APOO: variants seen among roughly 807,000 people sequenced by gnomAD.
The protein encoded by APOO is apolipoprotein O.
Under a neutral mutation model 23.1 loss-of-function variants are expected in APOO, and 11 were observed. The observed-to-expected ratio is 0.48, with a 90% CI of 0.30 to 0.79. The LOEUF is 0.79. APOO is among the 30% of genes least tolerant of loss of function. APOO has a pLI of 0.07. For synonymous variants in APOO, 59 were observed against 54.8 expected (o/e 1.08, Z -0.34); for missense variants, 160 against 142.7 (o/e 1.12, Z -0.62).
At chrX:23,844,025 T>G (rs1025147142) in intron 7 of APOO, among the ~76,000 whole-genome samples, 1 of 112,065 alleles carries the variant, frequency 8.9e-6, no homozygotes, top group Non-Finnish European at 1.9e-5. Flanking sequence ...AATGTCTGAC[T>G]CCCTCACCAG....
At chrX:23,839,668 T>C (rs2146963851) in intron 8 of APOO, among the ~76,000 whole-genome samples, 1 of 112,102 alleles carries the variant, frequency 8.9e-6, no homozygotes, top group Admixed American at 9.6e-5. Flanking sequence ...ATACACACTT[T>C]CTGTCGTATC....
chrX:23,847,144 C>T (rs1305813092), intron 7 of APOO, among the ~76,000 whole-genome samples: 2 of 111,222 alleles, frequency 1.8e-5, no homozygotes, highest in Admixed American at 1.9e-4. Flanking sequence ...AACATCTTCA[C>T]ATGCTAGATA....
intron 1 of APOO, among the ~76,000 whole-genome samples, chrX:23,891,786 C>T (rs1166498155): frequency 9.1e-6 from 1 of 109,835 alleles, no homozygotes; most frequent in African/African-American, 3.3e-5. Context: ...TATACACTTA[C>T]AGTATCTTAC....
chrX:23,887,929 G>A (rs1467738490), intron 1 of APOO, among the ~76,000 whole-genome samples: 8 of 111,723 alleles, frequency 7.2e-5, no homozygotes, highest in African/African-American at 2.6e-4. Context: ...TAATGTGTTG[G>A]CTTCTCTGAG....
intron 3 of APOO, among the ~76,000 whole-genome samples, chrX:23,875,826 G>A (rs1487172427): frequency 1.8e-5 from 2 of 111,178 alleles, no homozygotes; most frequent in African/African-American, 6.5e-5. Flanking sequence ...AAGATCTAAA[G>A]AACTGAGTAT....
intron 1 of APOO, among the ~76,000 whole-genome samples, chrX:23,891,082 C>T (rs1218734439): frequency 9.0e-6 from 1 of 110,988 alleles, no homozygotes; most frequent in Non-Finnish European, 1.9e-5. Flanking sequence ...TACCCTATCC[C>T]CATTCTAGAG....
chrX:23,856,437 G>A, intron 6 of APOO, 55 bp from the exon 7 acceptor site: 1 of 935,800 alleles, frequency 1.1e-6, no homozygotes, highest in Non-Finnish European at 1.5e-6. Context: ...CCTATTATTG[G>A]GAATAATAAT....
chrX:23,840,751 A>C (rs1010995192), intron 7 of APOO: 5 of 122,681 alleles, frequency 4.1e-5, no homozygotes, highest in Non-Finnish European at 8.2e-5. Flanking sequence ...TAAAAAATCA[A>C]TATATCTTCC....
intron 1 of APOO, among the ~76,000 whole-genome samples, chrX:23,901,644 G>A (rs946906895): frequency 3.6e-5 from 4 of 111,751 alleles, no homozygotes; most frequent in African/African-American, 6.5e-5. Context: ...CCCCAAGACC[G>A]TGCACCACCG....
intron 8 of APOO, among the ~76,000 whole-genome samples, chrX:23,836,435 C>T (rs1485598595): frequency 8.9e-6 from 1 of 111,909 alleles, no homozygotes; most frequent in African/African-American, 3.2e-5. Context: ...CTGCCTCGGC[C>T]TCCCGAGTAG....
intron 5 of APOO, among the ~76,000 whole-genome samples, chrX:23,864,722 T>C (rs1453182948): frequency 1.8e-5 from 2 of 112,202 alleles, no homozygotes; most frequent in African/African-American, 6.5e-5. Context: ...AATACAAATG[T>C]TATCAACCTA....
chrX:23,891,545 T>C (rs1031013975), intron 1 of APOO, among the ~76,000 whole-genome samples: 16 of 111,387 alleles, frequency 1.4e-4, no homozygotes, highest in African/African-American at 5.2e-4. Context: ...AGTCTTTAAC[T>C]CCCACTCATA....
intron 8 of APOO, among the ~76,000 whole-genome samples, chrX:23,837,843 A>G (rs957075499): frequency 1.2e-4 from 13 of 105,368 alleles, no homozygotes; most frequent in Non-Finnish European, 1.9e-5. Flanking sequence ...AATTTTTTGT[A>G]GAGACAGGGT....
At chrX:23,848,033 C>T (rs1172932686) in intron 7 of APOO, among the ~76,000 whole-genome samples, 1 of 108,165 alleles carries the variant, frequency 9.2e-6, no homozygotes, top group Non-Finnish European at 1.9e-5. Context: ...TGTGCCACCA[C>T]GCCCAATTTT....
intron 5 of APOO, among the ~76,000 whole-genome samples, chrX:23,859,416 T>C (rs1272947345): frequency 9.3e-6 from 1 of 107,839 alleles, no homozygotes; most frequent in Non-Finnish European, 1.9e-5. Context: ...CTACTTTCTA[T>C]CTCTATGTGT....
At chrX:23,853,156 G>A (rs1035325760) in intron 7 of APOO, among the ~76,000 whole-genome samples, 3 of 111,193 alleles carry the variant, frequency 2.7e-5, no homozygotes, top group Non-Finnish European at 5.7e-5. Flanking sequence ...TACTCAGGAG[G>A]TTGAGACAGG....
At chrX:23,842,208 C>T (rs1182506003) in intron 7 of APOO, among the ~76,000 whole-genome samples, 3 of 110,767 alleles carry the variant, frequency 2.7e-5, no homozygotes, top group African/African-American at 9.9e-5. Context: ...GGGCAACATG[C>T]TGAAATCCTG....
intron 1 of APOO, among the ~76,000 whole-genome samples, chrX:23,889,525 G>A (rs137924272): frequency 0.016 from 1,803 of 110,669 alleles, 45 homozygotes; most frequent in African/African-American, 0.056. Flanking sequence ...TAAAAAAAGG[G>A]TGACTCTTTT....
At chrX:23,889,366 A>G (rs901784400) in intron 1 of APOO, among the ~76,000 whole-genome samples, 1 of 111,438 alleles carries the variant, frequency 9.0e-6, no homozygotes, top group Non-Finnish European at 1.9e-5. Context: ...ATGTTCCAGT[A>G]AAACTGCCTT....
Sources: allele counts gnomAD v4.1 joint callset (sites outside exome capture counted in the v4.1 genomes callset), GRCh38; gene constraint gnomAD v4.1.1; transcripts MANE v1.5; gene names NCBI Gene and HGNC (gene_info 2026-07-23, HGNC 2026-07-21).